WNT7A: variants seen among roughly 807,000 people sequenced by gnomAD.
WNT7A encodes Wnt family member 7A.
A neutral mutation model predicts 28.2 loss-of-function variants in WNT7A; 16 were observed. The observed-to-expected ratio is 0.57, with a 90% CI of 0.38 to 0.86. The LOEUF is 0.86. Ranked by LOEUF, WNT7A falls within the 40% of genes least tolerant of loss-of-function variation. The probability of loss-of-function intolerance (pLI) is 0.00; values close to 1 mark genes in which losing one functional copy is unlikely to be tolerated. For synonymous variants in WNT7A, 190 were observed against 195.9 expected, an observed-to-expected ratio of 0.97 and a Z score of 0.25; for missense variants, 411 against 489.7, an observed-to-expected ratio of 0.84 and a Z score of 1.52.
At position 13,817,837 on chromosome 3, in the gene WNT7A, A is replaced by G. The variant is rs368723702; in HGVS notation, c.*1107T>C. 3.0e-3 allele frequency: 458 copies of G among 152,282 alleles called. 1 individual carries two copies. Among genetic ancestry groups the G allele is most frequent in the Non-Finnish European group, 5.1e-3 (348 of 68,032 alleles). The allele number at this position is 152,282 out of a possible 1,614,324, so 9.4% of individuals were successfully genotyped here. On this transcript the variant is annotated 3_prime_UTR_variant, in exon 4 of 4. Coordinates refer to ENST00000285018, the MANE Select transcript of WNT7A (RefSeq NM_004625.4). ...CACCACAGTGACTCATTTCGAAGCT[A>G]CCACTCAGTGGCCCTGCTTGAAAGG...
intron 3 of WNT7A, among the ~76,000 whole-genome samples, chr3:13,825,835 C>T (rs1694185385): frequency 6.6e-6 from 1 of 152,216 alleles, no homozygotes; most frequent in Admixed American, 6.5e-5. Context: ...CCTCTATCTG[C>T]CCAAGCCTGC....
intron 3 of WNT7A, among the ~76,000 whole-genome samples, chr3:13,823,626 T>C (rs1694145889): frequency 6.6e-6 from 1 of 152,252 alleles, no homozygotes; most frequent in Non-Finnish European, 1.5e-5. Context: ...TATTAGTGGC[T>C]GCACCACTGG....
At chr3:13,837,356 C>T (rs922176046) in intron 3 of WNT7A, among the ~76,000 whole-genome samples, 6 of 151,756 alleles carry the variant, frequency 4.0e-5, no homozygotes, top group South Asian at 4.2e-4. Flanking sequence ...GCATCAGCCC[C>T]TCTCACATCC....
At position 13,868,690 on chromosome 3, in the gene WNT7A, G is replaced by GAGAAAGAAAGAAAGAAAGAA. The variant is rs1220632576; in HGVS notation, c.298+6237_298+6256dup. 3.2e-3 allele frequency among the ~76,000 whole-genome samples: 64 copies of GAGAAAGAAAGAAAGAAAGAA among 19,748 alleles called. 1 individual carries two copies. Among genetic ancestry groups the GAGAAAGAAAGAAAGAAAGAA allele is most frequent in the Non-Finnish European group, 4.3e-3 (44 of 10,270 alleles). The allele number at this position is 19,748 out of a possible 152,430, so 13.0% of individuals were successfully genotyped here. On this transcript the variant is annotated intron_variant, in intron 2 of 3. Transcript: ENST00000285018. ...AGTGGGAGAGAGGGGGAGAGAGAGAGAGAAAGAAAGAAAGAAAGAAAGAAA... is the reference window on the plus strand; with the variant it reads ...AGTGGGAGAGAGGGGGAGAGAGAGAGAGAAAGAAAGAAAGAAAGAAAGAAAGAAAGAAAGAAAGAAAGAAA...
At chr3:13,874,678 A>G (rs1454418183) in intron 2 of WNT7A, among the ~76,000 whole-genome samples, 1 of 152,188 alleles carries the variant, frequency 6.6e-6, no homozygotes, top group Non-Finnish European at 1.5e-5. Flanking sequence ...TCAATTCAAA[A>G]CACAACACCA....
chr3:13,866,629 C>T (rs1021322721), intron 2 of WNT7A, among the ~76,000 whole-genome samples: 2 of 152,062 alleles, frequency 1.3e-5, no homozygotes, highest in Non-Finnish European at 2.9e-5. Context: ...ACAGAGGGAG[C>T]GAGCCAAGCT....
chr3:13,879,735 G>A lies in WNT7A; in HGVS notation c.71+11C>T, dbSNP rs778599073. The A allele has an allele frequency of 3.7e-6, 6 of 1,611,010 alleles. 1 individual carries two copies. The South Asian group carries it at 5.5e-5, about 15-fold the overall frequency. On this transcript the variant is annotated intron_variant, in intron 1 of 3. Coordinates refer to ENST00000285018, the MANE Select transcript of WNT7A (RefSeq NM_004625.4). ...CGAAACACGCGCGGAAAGGGCGCAG[G>A]CAGCCCTTACCCGATCCGGAGGTAG... is the stretch of plus-strand genomic sequence containing the variant.
chr3:13,821,743 A>T (rs1694112641), intron 3 of WNT7A, among the ~76,000 whole-genome samples: 1 of 152,218 alleles, frequency 6.6e-6, no homozygotes. Flanking sequence ...TTAGGAGCCC[A>T]TCCACCAATA....
At chr3:13,851,802 A>C (rs1329974996) in intron 3 of WNT7A, among the ~76,000 whole-genome samples, 2 of 152,190 alleles carry the variant, frequency 1.3e-5, no homozygotes, top group East Asian at 3.8e-4. Flanking sequence ...GATTCCACAC[A>C]TCATACGCTA....
At chr3:13,838,980 C>A (rs73019607) in intron 3 of WNT7A, among the ~76,000 whole-genome samples, 3,672 of 152,184 alleles carry the variant, frequency 0.024, 56 homozygotes, top group East Asian at 0.073. Flanking sequence ...TCAGTATTTG[C>A]ATATTGATTA....
At chr3:13,849,014 C>T (rs1459555642) in intron 3 of WNT7A, among the ~76,000 whole-genome samples, 1 of 152,182 alleles carries the variant, frequency 6.6e-6, no homozygotes, top group Non-Finnish European at 1.5e-5. Context: ...CTGTAAGACC[C>T]ACCTATGTAA....
In WNT7A at chr3:13,850,130, C is replaced by T. The variant is rs541727392; in HGVS notation, c.570+4402G>A. 1.9e-4 allele frequency among the ~76,000 whole-genome samples: 29 copies of T among 152,366 alleles called. No homozygotes were observed. In the South Asian group the frequency reaches 3.5e-3, roughly 18 times the overall value. On this transcript the variant is annotated intron_variant, in intron 3 of 3. Transcript: ENST00000285018. ...TTCCATTCGCAAGGGCAAGAACCCA[C>T]ACCTGTGCCCAGGGGCGGGGCAGGA... is the stretch of plus-strand genomic sequence containing the variant.
intron 3 of WNT7A, among the ~76,000 whole-genome samples, chr3:13,848,847 C>T (rs1694583413): frequency 6.6e-6 from 1 of 152,168 alleles, no homozygotes; most frequent in South Asian, 2.1e-4. Flanking sequence ...ACAACCCAGA[C>T]ATCCTTCAAG....
intron 3 of WNT7A, among the ~76,000 whole-genome samples, chr3:13,824,572 C>T (rs2124829334): frequency 6.6e-6 from 1 of 152,318 alleles, no homozygotes; most frequent in South Asian, 2.1e-4. Flanking sequence ...TGGCATCCAG[C>T]CATGACCACA....
intron 3 of WNT7A, among the ~76,000 whole-genome samples, chr3:13,837,492 G>C (rs1694389230): frequency 6.6e-6 from 1 of 152,092 alleles, no homozygotes; most frequent in African/African-American, 2.4e-5. Flanking sequence ...AGCATCTAGA[G>C]GAGGTCTGCC....
rs1297019861 is a variant in WNT7A at position 13,854,748 on chromosome 3, G to A, written c.354C>T (p.Ala118=). 23 of 1,613,974 alleles carry A rather than the reference G, an allele frequency of 1.4e-5. No individual in the cohort carries two copies. The highest frequency in any genetic ancestry group is 1.9e-5 in the Non-Finnish European group (23 of 1,180,038). Residue 118 remains alanine, a synonymous_variant, in exon 3 of 4, where the codon GCC becomes GCT. Coordinates refer to ENST00000285018, the MANE Select transcript of WNT7A (RefSeq NM_004625.4). ...YAIIAAGVAH[A]ITAACTQGNL... ...TGCCCTGGGTACAGGCAGCTGTGAT[G>A]GCGTGGGCCACGCCGGCGGCAATGA...
rs144536868 is a variant in WNT7A, at chr3:13,854,715, G to A, written c.387C>T (p.Ser129=). The change falls in exon 3 of 4, where the codon AGC becomes AGT. Residue 129 remains serine, a synonymous_variant. Transcript: ENST00000285018. ...GCTTCTCTTTGTCGCAGCCACAGTCGCTCAGGTTGCCCTGGGTACAGGCAG... is the reference window on the plus strand; with the variant it reads ...GCTTCTCTTTGTCGCAGCCACAGTCACTCAGGTTGCCCTGGGTACAGGCAG... ...ITAACTQGNL[S]DCGCDKEKQG... is the part of the protein sequence containing the mutation. 8.4e-5 allele frequency: 136 copies of A among 1,613,946 alleles called. No individual in the cohort carries two copies. The Admixed American group carries it at 1.5e-3, about 17-fold the overall frequency.
intron 2 of WNT7A, among the ~76,000 whole-genome samples, chr3:13,855,457 A>C (rs976759790): frequency 1.3e-5 from 2 of 152,140 alleles, no homozygotes; most frequent in Non-Finnish European, 2.9e-5. Flanking sequence ...CGTGGCCACT[A>C]CTACTCTTTC....
intron 2 of WNT7A, among the ~76,000 whole-genome samples, chr3:13,865,911 C>A (rs949176845): frequency 2.0e-5 from 3 of 152,220 alleles, no homozygotes; most frequent in Non-Finnish European, 4.4e-5. Context: ...TAAACAAAGT[C>A]ACTTCCAAAA....
Sources: gnomAD v4.1 joint callset for allele counts (sites outside exome capture counted in the v4.1 genomes callset) on GRCh38, gnomAD v4.1.1 for gene constraint, MANE v1.5 for transcripts, NCBI Gene and HGNC (gene_info 2026-07-23, HGNC 2026-07-21) for gene names.